Variants in PLXNC1 observed in about 807,000 individuals in gnomAD.
PLXNC1 encodes plexin C1, also known as plexin-C1.
Under a neutral mutation model 178.2 loss-of-function variants are expected in PLXNC1, and 75 were observed. That is an observed-to-expected ratio of 0.42 (90% CI 0.35 to 0.51). PLXNC1 has a LOEUF of 0.51. PLXNC1 is among the 20% of genes least tolerant of loss of function. The pLI is 0.02. For synonymous variants in PLXNC1, 790 were observed against 779.9 expected (o/e 1.01, Z -0.22); for missense variants, 1,503 against 1,984.4 (o/e 0.76, Z 4.61).
intron 2 of PLXNC1, 90 bp downstream of exon 2, chr12:94,169,383 C>A: frequency 8.9e-7 from 1 of 1,128,042 alleles, no homozygotes; most frequent in Non-Finnish European, 1.3e-6. Context: ...CTGGGTTATA[C>A]ATGAGACCAA....
chr12:94,210,160 G>GA (rs1963425596), intron 5 of PLXNC1, among the ~76,000 whole-genome samples: 1 of 152,190 alleles, frequency 6.6e-6, no homozygotes. Flanking sequence ...ACCATCTTAT[G>GA]AACATAGCTT....
At chr12:94,214,609 C>A (rs1321880992) in intron 5 of PLXNC1, among the ~76,000 whole-genome samples, 1 of 152,110 alleles carries the variant, frequency 6.6e-6, no homozygotes, top group Non-Finnish European at 1.5e-5. Context: ...AATGAATTAA[C>A]GTTAAATGAA....
At position 94,254,897 on chromosome 12, in the gene PLXNC1, C is replaced by G; in HGVS notation, c.2983+9C>G. On this transcript the variant is annotated intron_variant, in intron 16 of 30. Coordinates refer to ENST00000258526, the MANE Select transcript of PLXNC1 (RefSeq NM_005761.3). Reference sequence around the variant, plus strand: ...GAAAGAGATACGTGACGGTAGGCTCCAAAATTGTGTTTGTAGAAAAACAAG... The same window carrying G: ...GAAAGAGATACGTGACGGTAGGCTCGAAAATTGTGTTTGTAGAAAAACAAG... 6.3e-7 allele frequency: 1 copy of G among 1,596,590 alleles called. No individual in the cohort carries two copies. Among genetic ancestry groups the G allele is most frequent in the Non-Finnish European group, 8.6e-7 (1 of 1,168,398 alleles).
At chr12:94,251,809 T>G (rs1964698937) in intron 15 of PLXNC1, among the ~76,000 whole-genome samples, 1 of 152,128 alleles carries the variant, frequency 6.6e-6, no homozygotes, top group African/African-American at 2.4e-5. Context: ...CTGGCCAACA[T>G]GGCAAAACCC....
intron 24 of PLXNC1, among the ~76,000 whole-genome samples, chr12:94,296,231 G>A (rs1967908246): frequency 6.6e-6 from 1 of 152,132 alleles, no homozygotes; most frequent in Non-Finnish European, 1.5e-5. Context: ...TACAATCATG[G>A]CTCACTGAAG....
intron 22 of PLXNC1, among the ~76,000 whole-genome samples, chr12:94,281,531 G>A (rs1037224709): frequency 3.3e-5 from 5 of 152,042 alleles, no homozygotes; most frequent in African/African-American, 4.8e-5. Flanking sequence ...TAGACTGTTC[G>A]ATTTTCTTTT....
At position 94,149,737 on chromosome 12, in the gene PLXNC1, G is replaced by A. The variant is rs1592711121; in HGVS notation, c.766G>A (p.Gly256Ser). 1.2e-6 allele frequency: 2 copies of A among 1,611,772 alleles called. No individual in the cohort carries two copies. The highest frequency in any genetic ancestry group is 1.7e-6 in the Non-Finnish European group (2 of 1,179,488). ...FPYYPYNYTS[G>S]AATGWPSMAR... ...CTACTACCCCTACAACTACACGAGCGGCGCTGCCACCGGCTGGCCCAGCAT... is the reference window on the plus strand; with the variant it reads ...CTACTACCCCTACAACTACACGAGCAGCGCTGCCACCGGCTGGCCCAGCAT... Residue 256 changes from glycine to serine, a missense_variant, in exon 1 of 31, where the codon GGC (glycine) becomes AGC (serine). Physicochemically the swap from Gly to Ser is moderately conservative, Grantham distance 56. Coordinates refer to ENST00000258526, the MANE Select transcript of PLXNC1 (RefSeq NM_005761.3).
chr12:94,303,502 T>G (rs1968671709), intron 28 of PLXNC1, among the ~76,000 whole-genome samples: 1 of 152,152 alleles, frequency 6.6e-6, no homozygotes, highest in Non-Finnish European at 1.5e-5. Context: ...AGTTCTTTTA[T>G]GAGAGGAAGG....
intron 6 of PLXNC1, among the ~76,000 whole-genome samples, chr12:94,223,780 G>C (rs1442421395): frequency 6.6e-6 from 1 of 152,196 alleles, no homozygotes; most frequent in African/African-American, 2.4e-5. Context: ...CTACACTTTA[G>C]AGTATGTTAG....
intron 6 of PLXNC1, among the ~76,000 whole-genome samples, chr12:94,223,894 C>T (rs887560810): frequency 3.3e-5 from 5 of 152,106 alleles, no homozygotes; most frequent in African/African-American, 1.2e-4. Flanking sequence ...TGTTCTTATG[C>T]CTTGGCCAAT....
chr12:94,162,341 G>T (rs1387160033), intron 1 of PLXNC1, among the ~76,000 whole-genome samples: 2 of 152,204 alleles, frequency 1.3e-5, no homozygotes, highest in African/African-American at 4.8e-5. Context: ...GAAAGAAAGT[G>T]ACTGGACTTG....
At chr12:94,298,571 T>G (rs1968160637) in intron 26 of PLXNC1, 61 bp from the exon 27 acceptor site, 2 of 1,336,026 alleles carry the variant, frequency 1.5e-6, no homozygotes, top group South Asian at 2.7e-5. Context: ...TTTGCTATTA[T>G]GTTTTCAAAA....
At chr12:94,287,809 G>T (rs1422708941) in intron 23 of PLXNC1, among the ~76,000 whole-genome samples, 1 of 152,222 alleles carries the variant, frequency 6.6e-6, no homozygotes, top group Non-Finnish European at 1.5e-5. Flanking sequence ...AATGTCTTTA[G>T]ATATTCATTT....
chr12:94,288,558 A>G (rs558182183), intron 23 of PLXNC1, among the ~76,000 whole-genome samples: 1 of 152,204 alleles, frequency 6.6e-6, no homozygotes, highest in African/African-American at 2.4e-5. Flanking sequence ...GCATCCTGTA[A>G]GCCCTCCCCT....
At position 94,260,197 on chromosome 12, in the gene PLXNC1, G is replaced by A. The variant is rs368743782; in HGVS notation, c.3252-445G>A. On this transcript the variant is annotated intron_variant, in intron 19 of 30. Transcript: ENST00000258526. This position sits in a 1 kb window ranked among gnomAD's most constrained non-coding sequence, Gnocchi z 4.4. ...CCTCCCCAAGTAGCTGGAACTACAG[G>A]TGCATGCCACCACACCCAGCTAATG... 1.5e-4 allele frequency among the ~76,000 whole-genome samples: 23 copies of A among 152,076 alleles called. No homozygotes were observed. In the East Asian group the frequency reaches 2.1e-3, roughly 14 times the overall value.
chr12:94,300,878 A>G, intron 27 of PLXNC1, 32 bp from the exon 28 acceptor site: 1 of 1,592,738 alleles, frequency 6.3e-7, no homozygotes, highest in Non-Finnish European at 8.6e-7. Flanking sequence ...GAATGGCCCT[A>G]TTTGAAAAGA....
intron 3 of PLXNC1, among the ~76,000 whole-genome samples, chr12:94,182,170 A>G (rs1962331641): frequency 6.6e-6 from 1 of 152,216 alleles, no homozygotes; most frequent in Non-Finnish European, 1.5e-5. Context: ...TCTACTATGC[A>G]TTAGTCACTA....
intron 3 of PLXNC1, 26 bp downstream of exon 3, chr12:94,181,606 T>A (rs1338220439): frequency 6.4e-7 from 1 of 1,563,852 alleles, no homozygotes; most frequent in East Asian, 2.2e-5. Flanking sequence ...AGTTATTGCT[T>A]CTGATTTATG....
intron 1 of PLXNC1, among the ~76,000 whole-genome samples, chr12:94,168,511 T>C (rs1304714985): frequency 6.6e-6 from 1 of 152,186 alleles, no homozygotes; most frequent in Non-Finnish European, 1.5e-5. Context: ...ACTTTTTGTT[T>C]TCCCCTTTAA....
Sources: allele counts gnomAD v4.1 joint callset (sites outside exome capture counted in the v4.1 genomes callset), GRCh38; gene constraint gnomAD v4.1.1; non-coding constraint Gnocchi (gnomAD v3.1); transcripts MANE v1.5; gene names NCBI Gene and HGNC (gene_info 2026-07-23, HGNC 2026-07-21).